Variants in PPP2R5E observed in about 807,000 individuals in gnomAD.
The protein encoded by PPP2R5E is protein phosphatase 2 regulatory subunit B'epsilon, also known as serine/threonine-protein phosphatase 2A 56 kDa regulatory subunit epsilon isoform.
A neutral mutation model predicts 65.3 loss-of-function variants in PPP2R5E; 4 were observed. That is an observed-to-expected ratio of 0.06 (90% CI 0.03 to 0.14). PPP2R5E has a LOEUF of 0.14. Ranked by LOEUF, PPP2R5E falls within the 10% of genes least tolerant of loss-of-function variation. The probability of loss-of-function intolerance (pLI) is 1.00; values close to 1 mark genes in which losing one functional copy is unlikely to be tolerated. For missense variants in PPP2R5E, 274 were observed against 556.1 expected (o/e 0.49, Z 5.10); for synonymous variants, 183 against 187.4 (o/e 0.98, Z 0.19).
intron 2 of PPP2R5E, among the ~76,000 whole-genome samples, chr14:63,510,294 C>T (rs1892398068): frequency 6.6e-6 from 1 of 152,176 alleles, no homozygotes; most frequent in African/African-American, 2.4e-5. Context: ...TGATGAATGT[C>T]ACTGGACAGT....
chr14:63,527,990 A>G (rs1407268027), intron 2 of PPP2R5E, among the ~76,000 whole-genome samples: 1 of 151,738 alleles, frequency 6.6e-6, no homozygotes, highest in African/African-American at 2.4e-5. Context: ...GGTATGTGTG[A>G]CCCCAGGGCC....
At chr14:63,378,507 T>C (rs569298531) in intron 13 of PPP2R5E, among the ~76,000 whole-genome samples, 2 of 152,334 alleles carry the variant, frequency 1.3e-5, no homozygotes, top group African/African-American at 4.8e-5. Flanking sequence ...TTTGATCAAA[T>C]ATGGCACTCA....
intron 2 of PPP2R5E, among the ~76,000 whole-genome samples, chr14:63,494,713 G>A (rs926981314): frequency 7.3e-5 from 11 of 151,560 alleles, no homozygotes; most frequent in Admixed American, 7.2e-4. Context: ...TGGACAACAT[G>A]ACAAAATCCC....
intron 2 of PPP2R5E, among the ~76,000 whole-genome samples, chr14:63,480,886 C>A (rs1890663193): frequency 6.6e-6 from 1 of 152,252 alleles, no homozygotes; most frequent in South Asian, 2.1e-4. Flanking sequence ...CACCTGCTCA[C>A]TGATCCCAAA....
chr14:63,530,864 G>C (rs542636706), intron 2 of PPP2R5E, among the ~76,000 whole-genome samples: 1 of 151,862 alleles, frequency 6.6e-6, no homozygotes, highest in East Asian at 1.9e-4. Flanking sequence ...TGATCCACCC[G>C]CCTCAGCCTC....
chr14:63,488,136 C>T (rs778201962), intron 2 of PPP2R5E, among the ~76,000 whole-genome samples: 44 of 152,180 alleles, frequency 2.9e-4, no homozygotes, highest in Non-Finnish European at 5.7e-4. Flanking sequence ...TTCTTCCAAA[C>T]GCTTTCCTGC....
At position 63,375,341 on chromosome 14, in the gene PPP2R5E, T is replaced by G. The variant is rs1309631912; in HGVS notation, c.*668A>C. ...TCCGATATTCCCTTCCCTACTATGTTTATCACCTCTTCTCTCTTAACTCCT... is the reference window on the plus strand; with the variant it reads ...TCCGATATTCCCTTCCCTACTATGTGTATCACCTCTTCTCTCTTAACTCCT... On this transcript the variant is annotated 3_prime_UTR_variant, in exon 14 of 14. Transcript: ENST00000337537. The G allele has an allele frequency of 6.6e-6, 1 of 152,614 alleles. No individual in the cohort carries two copies. The highest frequency in any genetic ancestry group is 1.5e-5 in the Non-Finnish European group (1 of 68,014). The allele number at this position is 152,614 out of a possible 1,614,324, so 9.5% of individuals were successfully genotyped here.
intron 3 of PPP2R5E, 74 bp from the exon 4 acceptor site, chr14:63,422,168 G>C (rs1887061234): frequency 8.5e-7 from 1 of 1,182,612 alleles, no homozygotes; most frequent in Non-Finnish European, 1.3e-6. Context: ...TTGGAGCCAA[G>C]CTGAGGGGAA....
At chr14:63,420,518 T>C (rs1211809158) in intron 4 of PPP2R5E, among the ~76,000 whole-genome samples, 2 of 152,088 alleles carry the variant, frequency 1.3e-5, no homozygotes, top group Non-Finnish European at 2.9e-5. Flanking sequence ...AGTCTTAGCA[T>C]TGGAGGCAGG....
intron 3 of PPP2R5E, among the ~76,000 whole-genome samples, chr14:63,431,752 T>C (rs932792084): frequency 2.6e-5 from 4 of 152,200 alleles, no homozygotes; most frequent in African/African-American, 2.4e-5. Context: ...TTTTACAACA[T>C]CTAGAAATCC....
At chr14:63,411,226 T>C (rs1293419615) in intron 5 of PPP2R5E, among the ~76,000 whole-genome samples, 2 of 152,176 alleles carry the variant, frequency 1.3e-5, no homozygotes, top group Non-Finnish European at 2.9e-5. Context: ...ATAGTCTCTA[T>C]GTTCTCCATA....
intron 2 of PPP2R5E, among the ~76,000 whole-genome samples, chr14:63,486,186 C>A (rs1890985350): frequency 6.6e-6 from 1 of 151,708 alleles, no homozygotes; most frequent in Non-Finnish European, 1.5e-5. Context: ...AAAAAATGTA[C>A]CCTAATCCCA....
rs187454217 is a variant in PPP2R5E, at chr14:63,441,532, C to A, written c.354+12157G>T. 4.6e-5 allele frequency among the ~76,000 whole-genome samples: 7 copies of A among 152,386 alleles called. No homozygotes were observed. The South Asian group carries it at 1.4e-3, about 32-fold the overall frequency. Reference sequence around the variant, plus strand: ...ATCCAGCATAGATATTTAGTGCACACAGGGTAAAATCGCGCTTAAACCATT... The same window carrying A: ...ATCCAGCATAGATATTTAGTGCACAAAGGGTAAAATCGCGCTTAAACCATT... On this transcript the variant is annotated intron_variant, in intron 3 of 13. Transcript: ENST00000337537.
chr14:63,461,977 G>A (rs921934567), intron 2 of PPP2R5E, among the ~76,000 whole-genome samples: 2 of 151,924 alleles, frequency 1.3e-5, no homozygotes, highest in African/African-American at 4.8e-5. Context: ...CCTGTATTTG[G>A]GGATCTCTGA....
At chr14:63,500,500 A>G (rs147689271) in intron 2 of PPP2R5E, among the ~76,000 whole-genome samples, 4 of 152,346 alleles carry the variant, frequency 2.6e-5, no homozygotes, top group African/African-American at 9.6e-5. Flanking sequence ...TAATTGTTAC[A>G]TACTTGTATG....
chr14:63,440,881 G>A (rs1414567211), intron 3 of PPP2R5E, among the ~76,000 whole-genome samples: 3 of 147,268 alleles, frequency 2.0e-5, no homozygotes, highest in African/African-American at 7.7e-5. Context: ...CCCGGGAGGC[G>A]GAGCTTGCAG....
chr14:63,386,755 C>G (rs1231772154), intron 11 of PPP2R5E, among the ~76,000 whole-genome samples: 2 of 151,916 alleles, frequency 1.3e-5, no homozygotes, highest in Non-Finnish European at 2.9e-5. Flanking sequence ...AAACCCCCAT[C>G]TCTACTAAAA....
intron 2 of PPP2R5E, among the ~76,000 whole-genome samples, chr14:63,526,413 C>G (rs992780488): frequency 6.6e-6 from 1 of 152,152 alleles, no homozygotes; most frequent in Non-Finnish European, 1.5e-5. Flanking sequence ...AGGACAAATA[C>G]AAGAGTGCTG....
chr14:63,463,804 G>A (rs1324680107), intron 2 of PPP2R5E, among the ~76,000 whole-genome samples: 3 of 151,866 alleles, frequency 2.0e-5, no homozygotes, highest in East Asian at 1.9e-4. Context: ...CACCGTGTTC[G>A]CCAGGATGGT....
Sources: gnomAD v4.1 joint callset for allele counts (sites outside exome capture counted in the v4.1 genomes callset) on GRCh38, gnomAD v4.1.1 for gene constraint, MANE v1.5 for transcripts, NCBI Gene and HGNC (gene_info 2026-07-23, HGNC 2026-07-21) for gene names.